The following RAD51B variants were observed in gnomAD, a reference collection of about 807,000 sequenced individuals.
The protein encoded by RAD51B is RAD51 paralog B, also known as DNA repair protein RAD51 homolog 2.
Under a neutral mutation model 42.2 loss-of-function variants are expected in RAD51B, and 38 were observed. That is an observed-to-expected ratio of 0.90 (90% CI 0.70 to 1.18). The LOEUF (loss-of-function observed/expected upper bound fraction) is 1.18, where lower values mean the gene tolerates loss of function less well. Ranked by LOEUF, RAD51B falls within the 50% of genes most tolerant of loss-of-function variation. The pLI is 0.00. For synonymous variants in RAD51B, 154 were observed against 145.2 expected (o/e 1.06, Z -0.43); for missense variants, 373 against 400.7 (o/e 0.93, Z 0.59).
intron 7 of RAD51B, among the ~76,000 whole-genome samples, chr14:68,179,877 G>A (rs993871727): frequency 2.6e-5 from 4 of 152,168 alleles, no homozygotes; most frequent in African/African-American, 7.2e-5. Flanking sequence ...CATGGGAGAT[G>A]TGAATGGCTT....
At chr14:67,944,648 A>C (rs913717317) in intron 7 of RAD51B, among the ~76,000 whole-genome samples, 1 of 152,188 alleles carries the variant, frequency 6.6e-6, no homozygotes, top group Non-Finnish European at 1.5e-5. Flanking sequence ...GAATTTTATT[A>C]TTCACTTTTC....
intron 3 of RAD51B, among the ~76,000 whole-genome samples, chr14:67,829,307 A>G (rs1373494729): frequency 4.6e-5 from 7 of 151,856 alleles, no homozygotes; most frequent in Non-Finnish European, 8.8e-5. Context: ...CAGTGGCACA[A>G]TCTTGGCTCA....
intron 7 of RAD51B, among the ~76,000 whole-genome samples, chr14:67,910,044 G>A (rs534070222): frequency 6.6e-6 from 1 of 152,160 alleles, no homozygotes; most frequent in African/African-American, 2.4e-5. Context: ...ACGGTTATAA[G>A]TACTTATTTG....
chr14:68,043,972 T>C lies in RAD51B; in HGVS notation c.756+156768T>C, dbSNP rs189063539. ...CAAATGAGTACCAAACCATAAACTT[T>C]TTAAAGAACAGGGAAAGCACATAGC... On this transcript the variant is annotated intron_variant, in intron 7 of 10. Coordinates refer to ENST00000471583, the MANE Select transcript of RAD51B (RefSeq NM_133510.4). Among the ~76,000 whole-genome samples, 5 of 152,304 alleles carry C rather than the reference T, an allele frequency of 3.3e-5. 1 individual carries two copies. In the East Asian group the frequency reaches 9.6e-4, roughly 29 times the overall value.
chr14:68,209,755 G>T (rs1050111606), intron 7 of RAD51B, among the ~76,000 whole-genome samples: 3 of 152,072 alleles, frequency 2.0e-5, no homozygotes, highest in Non-Finnish European at 4.4e-5. Flanking sequence ...AGGCATCAAA[G>T]AAAGGAATTG....
Position 68,560,140 on chromosome 14 carries a change from A to G in RAD51B, c.1037-34345A>G, listed in dbSNP as rs189108215. ...CTTCTGACGAGCATACTCAGATGTT[A>G]CAGGTAGTCACAAAAATAGCACCCT... On this transcript the variant is annotated intron_variant, in intron 10 of 10. Coordinates refer to the RAD51B transcript ENST00000487270. Among the ~76,000 whole-genome samples, 268 of 152,326 alleles carry G rather than the reference A, an allele frequency of 1.8e-3. 1 individual carries two copies. Among genetic ancestry groups the G allele is most frequent in the African/African-American group, 6.3e-3 (263 of 41,578 alleles).
At chr14:67,944,446 G>T (rs1026471602) in intron 7 of RAD51B, among the ~76,000 whole-genome samples, 1 of 151,578 alleles carries the variant, frequency 6.6e-6, no homozygotes, top group African/African-American at 2.4e-5. Context: ...GCCCTTTGTT[G>T]TTTCATAAAA....
intron 7 of RAD51B, among the ~76,000 whole-genome samples, chr14:67,887,943 G>C (rs1275255667): frequency 6.6e-6 from 1 of 152,098 alleles, no homozygotes; most frequent in African/African-American, 2.4e-5. Flanking sequence ...CAACATTCAG[G>C]CTTCTCAATT....
chr14:68,524,036 A>G (rs1886763305), intron 10 of RAD51B, among the ~76,000 whole-genome samples: 1 of 152,204 alleles, frequency 6.6e-6, no homozygotes, highest in South Asian at 2.1e-4. Flanking sequence ...GCTATGGTGT[A>G]TCACAGCTTT....
At chr14:67,914,193 G>A (rs555263943) in intron 7 of RAD51B, among the ~76,000 whole-genome samples, 6 of 152,234 alleles carry the variant, frequency 3.9e-5, no homozygotes, top group East Asian at 1.9e-4. Flanking sequence ...ATATTAGCCA[G>A]GCTGGTCTTG....
At chr14:68,541,420 C>CTGTGTGCATCAGAG in intron 10 of RAD51B, 1 of 985,430 alleles carries the variant, frequency 1.0e-6, no homozygotes, top group Non-Finnish European at 1.2e-6. Context: ...CAGAGTGTGT[C>CTGTGTGCATCAGAG]TGTGCATCAG....
At chr14:68,237,232 G>C (rs1671700899) in intron 7 of RAD51B, among the ~76,000 whole-genome samples, 1 of 152,144 alleles carries the variant, frequency 6.6e-6, no homozygotes, top group African/African-American at 2.4e-5. Flanking sequence ...GGAAGAATGA[G>C]TTACATCTTG....
intron 7 of RAD51B, among the ~76,000 whole-genome samples, chr14:67,915,731 T>C (rs2044129109): frequency 6.6e-6 from 1 of 152,124 alleles, no homozygotes. Flanking sequence ...TACTCAAGAG[T>C]TGGATTTTGT....
At chr14:68,049,008 T>C (rs888520925) in intron 7 of RAD51B, among the ~76,000 whole-genome samples, 2 of 152,198 alleles carry the variant, frequency 1.3e-5, no homozygotes, top group Admixed American at 1.3e-4. Flanking sequence ...CACATTTACA[T>C]CATGGAATAC....
chr14:67,965,198 A>G (rs937982216), intron 7 of RAD51B, among the ~76,000 whole-genome samples: 1 of 152,140 alleles, frequency 6.6e-6, no homozygotes, highest in Non-Finnish European at 1.5e-5. Context: ...CTCTGTCTTC[A>G]TTAGTGGCCT....
chr14:68,023,821 T>C (rs1328004742), intron 7 of RAD51B, among the ~76,000 whole-genome samples: 2 of 152,226 alleles, frequency 1.3e-5, no homozygotes, highest in Non-Finnish European at 2.9e-5. Context: ...ATAGTTTCTT[T>C]TGCTGTGTGG....
intron 7 of RAD51B, among the ~76,000 whole-genome samples, chr14:68,191,140 GT>G (rs769146532): frequency 6.6e-6 from 1 of 152,158 alleles, no homozygotes; most frequent in Non-Finnish European, 1.5e-5. Flanking sequence ...GAAATCGAGT[GT>G]TTTCTTGGCA....
At chr14:68,567,260 AC>A (rs1162079694) in intron 10 of RAD51B, among the ~76,000 whole-genome samples, 3 of 152,146 alleles carry the variant, frequency 2.0e-5, no homozygotes, top group African/African-American at 7.2e-5. Context: ...GATCGCGGCC[AC>A]TGCACTCCAG....
intron 8 of RAD51B, among the ~76,000 whole-genome samples, chr14:68,402,823 T>C (rs1162627975): frequency 2.6e-5 from 4 of 152,168 alleles, no homozygotes; most frequent in African/African-American, 9.7e-5. Context: ...CAGGAACTAT[T>C]GAGGTCATTT....
Sources: allele counts gnomAD v4.1 joint callset (sites outside exome capture counted in the v4.1 genomes callset), GRCh38; gene constraint gnomAD v4.1.1; transcripts MANE v1.5; gene names NCBI Gene and HGNC (gene_info 2026-07-23, HGNC 2026-07-21).